The following MIER2 variants were observed in gnomAD, a reference collection of about 807,000 sequenced individuals.
MIER2 encodes the protein mesoderm induction early response protein 2.
In MIER2, 30 loss-of-function variants were observed where a neutral mutation model predicts 67.6. The ratio of observed to expected loss-of-function variants is 0.44; its 90% CI spans 0.33 to 0.60. The LOEUF (loss-of-function observed/expected upper bound fraction) is 0.60, where lower values mean the gene tolerates loss of function less well. MIER2 is among the 20% of genes least tolerant of loss of function. The pLI, the probability that MIER2 is intolerant of heterozygous loss-of-function variation, is 0.02. For synonymous variants in MIER2, 372 were observed against 312.6 expected, an observed-to-expected ratio of 1.19 and a Z score of -2.00; for missense variants, 702 against 745.1, an observed-to-expected ratio of 0.94 and a Z score of 0.67.
chr19:325,430 G>T (rs977774451), intron 7 of MIER2, among the ~76,000 whole-genome samples: 10 of 152,176 alleles, frequency 6.6e-5, no homozygotes, highest in African/African-American at 2.4e-4. Context: ...CAGACCCCAA[G>T]GGAGGGACAG....
Position 308,960 on chromosome 19 carries a change from G to A in MIER2, c.985-35C>T, listed in dbSNP as rs150821045. 5.5e-5 allele frequency: 87 copies of A among 1,582,108 alleles called. No homozygotes were observed. In the African/African-American group the frequency reaches 7.3e-4, roughly 13 times the overall value. On this transcript the variant is annotated intron_variant, in intron 10 of 13. Transcript: ENST00000264819. The surrounding 1 kb of genome is among the most constrained non-coding windows in gnomAD (Gnocchi z 9.1). ...GGGGTCAGGAGCCATCTCTGTCCCC[G>A]GCTGCCCAGCCCCAGCACCTGCACC...
At chr19:329,801 G>A (rs1301144635) in intron 3 of MIER2, among the ~76,000 whole-genome samples, 1 of 149,710 alleles carries the variant, frequency 6.7e-6, no homozygotes, top group Non-Finnish European at 1.5e-5. Flanking sequence ...AGGAGGCAGA[G>A]GTTGCAGTGA....
chr19:343,866 C>T (rs1442650190), intron 1 of MIER2: 4 of 985,318 alleles, frequency 4.1e-6, no homozygotes, highest in Non-Finnish European at 4.8e-6. Flanking sequence ...TCCACACAGG[C>T]TCATCCACCA....
intron 2 of MIER2, among the ~76,000 whole-genome samples, chr19:335,215 G>A (rs1041675454): frequency 4.6e-5 from 7 of 152,392 alleles, no homozygotes; most frequent in Admixed American, 1.3e-4. Flanking sequence ...AATCCAGACA[G>A]AGAGCAGTGT....
At chr19:336,612 G>T (rs1972269469) in intron 1 of MIER2, among the ~76,000 whole-genome samples, 1 of 152,178 alleles carries the variant, frequency 6.6e-6, no homozygotes, top group Admixed American at 6.5e-5. Context: ...GGGGCCAGGA[G>T]CCAGGGAGAG....
At chr19:326,275 C>T (rs763261861) in intron 6 of MIER2, among the ~76,000 whole-genome samples, 8 of 146,510 alleles carry the variant, frequency 5.5e-5, no homozygotes, top group Non-Finnish European at 1.2e-4. Flanking sequence ...TTTGGGGAGA[C>T]GGCAGAACCA....
At position 323,333 on chromosome 19, in the gene MIER2, C is replaced by T. The variant is rs1228890471; in HGVS notation, c.655+2302G>A. Among the ~76,000 whole-genome samples, 7 of 130,070 alleles carry T rather than the reference C, an allele frequency of 5.4e-5. 1 individual carries two copies. Among genetic ancestry groups the T allele is most frequent in the Non-Finnish European group, 1.0e-4 (6 of 57,512 alleles). 85.3% of individuals were successfully genotyped at this position (130,070 alleles called of 152,430 possible). On this transcript the variant is annotated intron_variant, in intron 7 of 13. Transcript: ENST00000264819. ...CACAAGACACATACAACCACGCAGACGACTCGAATGACACAGACATCATCA... is the reference window on the plus strand; with the variant it reads ...CACAAGACACATACAACCACGCAGATGACTCGAATGACACAGACATCATCA...
At chr19:317,730 C>CAA (rs10710807) in intron 7 of MIER2, among the ~76,000 whole-genome samples, 2 of 84,272 alleles carry the variant, frequency 2.4e-5, no homozygotes, top group Non-Finnish European at 2.5e-5. Context: ...GACTCTGTCT[C>CAA]AAAAAAAAAA....
chr19:326,816 C>T (rs1240072908), intron 5 of MIER2: 2 of 588,490 alleles, frequency 3.4e-6, no homozygotes, highest in African/African-American at 3.7e-5. Context: ...CCTCTGGGCC[C>T]CGAGCCCTCA....
rs570295185 is a variant in MIER2, at chr19:336,178, G to C, written c.10-5C>G. 6.2e-7 allele frequency: 1 copy of C among 1,611,754 alleles called. No homozygotes were observed. The highest frequency in any genetic ancestry group is 8.5e-7 in the Non-Finnish European group (1 of 1,178,576). On this transcript the variant is annotated splice_region_variant and splice_polypyrimidine_tract_variant and intron_variant, in intron 1 of 13. Transcript: ENST00000264819. ...CTGCCTCCCCAGCGAGGAGGCCTGC[G>C]AAGGAAGAGAGGCAGGGTTAGCTCG...
chr19:328,927 A>T (rs1191872551), intron 3 of MIER2, among the ~76,000 whole-genome samples: 1 of 152,208 alleles, frequency 6.6e-6, no homozygotes, highest in Non-Finnish European at 1.5e-5. Context: ...ATATGACAAG[A>T]AGTATAAATA....
At chr19:332,464 G>T (rs988972005) in intron 3 of MIER2, among the ~76,000 whole-genome samples, 1 of 151,628 alleles carries the variant, frequency 6.6e-6, no homozygotes, top group Non-Finnish European at 1.5e-5. Flanking sequence ...ACCACGCCCG[G>T]CTAATTTTTG....
At chr19:324,379 AGAC>A (rs1481064918) in intron 7 of MIER2, among the ~76,000 whole-genome samples, 2 of 141,620 alleles carry the variant, frequency 1.4e-5, no homozygotes, top group East Asian at 4.0e-4. Flanking sequence ...ACAACCACAC[AGAC>A]GACTCGAATG....
At chr19:316,582 A>G (rs1310994007) in intron 7 of MIER2, among the ~76,000 whole-genome samples, 1 of 152,168 alleles carries the variant, frequency 6.6e-6, no homozygotes, top group African/African-American at 2.4e-5. Flanking sequence ...GAGCCACCAC[A>G]GCCGGCTCAT....
At position 322,007 on chromosome 19, in the gene MIER2, C is replaced by A. The variant is rs376506889; in HGVS notation, c.655+3628G>T. ...GCAAGCTCCGCCTCCCGGGTTCACG[C>A]CATTCTCCTGCCTCAGCCTCCCAAG... On this transcript the variant is annotated intron_variant, in intron 7 of 13. Coordinates refer to ENST00000264819, the MANE Select transcript of MIER2 (RefSeq NM_017550.3). 4.5e-4 allele frequency among the ~76,000 whole-genome samples: 69 copies of A among 152,260 alleles called. No homozygotes were observed. The East Asian group carries it at 9.7e-3, about 21-fold the overall frequency.
intron 3 of MIER2, among the ~76,000 whole-genome samples, chr19:328,569 G>A (rs549783203): frequency 2.6e-4 from 40 of 152,144 alleles, no homozygotes; most frequent in African/African-American, 7.7e-4. Context: ...GCAACATGGC[G>A]AAATCCCGTC....
chr19:331,541 C>T (rs1009857049), intron 3 of MIER2, among the ~76,000 whole-genome samples: 1 of 151,874 alleles, frequency 6.6e-6, no homozygotes, highest in African/African-American at 2.4e-5. Context: ...TGGTGGCGTG[C>T]GACTATAGTC....
intron 12 of MIER2, among the ~76,000 whole-genome samples, chr19:307,999 G>A (rs1568213817): frequency 6.6e-6 from 1 of 152,130 alleles, no homozygotes; most frequent in Non-Finnish European, 1.5e-5. Flanking sequence ...ACAAACCATG[G>A]AAACAACCAG....
chr19:328,026 G>T (rs1157678170), intron 3 of MIER2, 37 bp from the exon 4 acceptor site: 1 of 1,609,032 alleles, frequency 6.2e-7, no homozygotes, highest in Non-Finnish European at 8.5e-7. Context: ...CATCAGGAGG[G>T]ACGGCTCTGG....
Sources: allele counts gnomAD v4.1 joint callset (sites outside exome capture counted in the v4.1 genomes callset), GRCh38; gene constraint gnomAD v4.1.1; non-coding constraint Gnocchi (gnomAD v3.1); transcripts MANE v1.5; gene names NCBI Gene and HGNC (gene_info 2026-07-23, HGNC 2026-07-21).